Variants in NELL1 observed in about 807,000 individuals in gnomAD.
NELL1 encodes the protein neural EGFL like 1, also known as protein kinase C-binding protein NELL1.
Under a neutral mutation model 107.4 loss-of-function variants are expected in NELL1, and 76 were observed. The ratio of observed to expected loss-of-function variants is 0.71; its 90% confidence interval spans 0.59 to 0.86. NELL1 has a LOEUF of 0.86. Among genes scored for constraint, NELL1 ranks in the 40% least tolerant of loss-of-function variants. NELL1 has a pLI of 0.00. For synonymous variants in NELL1, 353 were observed against 341.2 expected (o/e 1.03, Z -0.38); for missense variants, 1,024 against 1,005.5 (o/e 1.02, Z -0.25).
rs182699826 is a variant in NELL1, at chr11:20,682,516, A to T, written c.184+4456A>T. Among the ~76,000 whole-genome samples, 733 of 152,172 alleles carry T rather than the reference A, an allele frequency of 4.8e-3. 4 individuals carry two copies. The highest frequency in any genetic ancestry group is 0.012 in the Admixed American group (180 of 15,254). ...TGTTGATTTCATAAAATTTAAAGTT[A>T]AAAACGTAGATTCATCAAATTATTC... On this transcript the variant is annotated intron_variant, in intron 2 of 19. Transcript: ENST00000357134.
intron 12 of NELL1, among the ~76,000 whole-genome samples, chr11:20,998,580 G>A (rs1852144017): frequency 6.6e-6 from 1 of 152,018 alleles, no homozygotes; most frequent in African/African-American, 2.4e-5. Context: ...ATCTCTCCTA[G>A]GTGTGTAAGC....
At chr11:20,918,762 C>G (rs1044474141) in intron 6 of NELL1, among the ~76,000 whole-genome samples, 1 of 151,910 alleles carries the variant, frequency 6.6e-6, no homozygotes, top group African/African-American at 2.4e-5. Context: ...ATGGGAGCTA[C>G]AATTCAAGAT....
chr11:21,293,961 A>T (rs546417958), intron 14 of NELL1, among the ~76,000 whole-genome samples: 9 of 152,268 alleles, frequency 5.9e-5, no homozygotes, highest in East Asian at 1.9e-4. Flanking sequence ...GGATAGCAAT[A>T]GGAGAAATAA....
chr11:21,029,413 T>A (rs533199495), intron 12 of NELL1, among the ~76,000 whole-genome samples: 1 of 152,280 alleles, frequency 6.6e-6, no homozygotes, highest in African/African-American at 2.4e-5. Context: ...CATAGGTTTA[T>A]GTTTGCTGAG....
At chr11:21,101,288 G>A (rs572675863) in intron 12 of NELL1, among the ~76,000 whole-genome samples, 29 of 152,200 alleles carry the variant, frequency 1.9e-4, no homozygotes, top group Admixed American at 7.2e-4. Context: ...GAATAGTACC[G>A]CAATAAACAT....
intron 14 of NELL1, among the ~76,000 whole-genome samples, chr11:21,233,255 T>G (rs2133888899): frequency 6.6e-6 from 1 of 152,318 alleles, no homozygotes; most frequent in African/African-American, 2.4e-5. Flanking sequence ...ATATATATGT[T>G]ATCTCATTTA....
chr11:21,275,227 G>A (rs1249073751), intron 14 of NELL1, among the ~76,000 whole-genome samples: 15 of 152,186 alleles, frequency 9.9e-5, no homozygotes, highest in Non-Finnish European at 1.8e-4. Flanking sequence ...TATCACCACC[G>A]AACCCACAGA....
chr11:21,389,784 TA>T (rs1197240509), intron 15 of NELL1, among the ~76,000 whole-genome samples: 1 of 151,882 alleles, frequency 6.6e-6, no homozygotes, highest in African/African-American at 2.4e-5. Context: ...AATAGTATTT[TA>T]TTTTGTGGAT....
chr11:21,176,648 A>G (rs1856718928), intron 13 of NELL1, among the ~76,000 whole-genome samples: 1 of 151,876 alleles, frequency 6.6e-6, no homozygotes, highest in Admixed American at 6.6e-5. Flanking sequence ...TCTTTACACA[A>G]GAGAAGGAGG....
intron 2 of NELL1, among the ~76,000 whole-genome samples, chr11:20,727,420 C>T (rs1855533162): frequency 6.6e-6 from 1 of 152,150 alleles, no homozygotes; most frequent in African/African-American, 2.4e-5. Flanking sequence ...TGTTCATATA[C>T]TTTGCCCACT....
At chr11:20,803,873 GA>G (rs1407760702) in intron 3 of NELL1, among the ~76,000 whole-genome samples, 1 of 152,064 alleles carries the variant, frequency 6.6e-6, no homozygotes, top group East Asian at 1.9e-4. Flanking sequence ...TGAGCAGGCA[GA>G]AAAATGTGAA....
chr11:21,334,014 C>T (rs1389390141), intron 14 of NELL1, among the ~76,000 whole-genome samples: 3 of 152,034 alleles, frequency 2.0e-5, no homozygotes, highest in Non-Finnish European at 4.4e-5. Context: ...GAAATTTCTG[C>T]ATGTGCATTG....
intron 15 of NELL1, among the ~76,000 whole-genome samples, chr11:21,518,477 A>G (rs1301042964): frequency 1.3e-5 from 2 of 152,220 alleles, no homozygotes; most frequent in African/African-American, 4.8e-5. Flanking sequence ...CAAAGTAAAA[A>G]ATGTGGACCT....
chr11:21,355,879 G>T (rs1850920851), intron 14 of NELL1, among the ~76,000 whole-genome samples: 1 of 152,096 alleles, frequency 6.6e-6, no homozygotes, highest in African/African-American at 2.4e-5. Flanking sequence ...GTATTGCTTG[G>T]ATCTCTAAGT....
rs1449172500 is a variant in NELL1, at chr11:21,575,121, T to C, written c.*99T>C. 3 of 1,121,268 alleles carry C rather than the reference T, an allele frequency of 2.7e-6. No homozygotes were observed. The highest frequency in any genetic ancestry group is 1.5e-5 in the African/African-American group (1 of 64,580). The allele number at this position is 1,121,268 out of a possible 1,614,324, so 69.5% of individuals were successfully genotyped here. On this transcript the variant is annotated 3_prime_UTR_variant, in exon 20 of 20. Coordinates refer to ENST00000357134, the MANE Select transcript of NELL1 (RefSeq NM_006157.5). Reference sequence around the variant, plus strand: ...AGTTTGGTTTTTTTGTTTGTTTTGTTTTTTTAACCACAGATAATTGCCAAA... The same window carrying C: ...AGTTTGGTTTTTTTGTTTGTTTTGTCTTTTTAACCACAGATAATTGCCAAA...
intron 5 of NELL1, among the ~76,000 whole-genome samples, chr11:20,902,360 A>G (rs888819601): frequency 6.6e-6 from 1 of 152,146 alleles, no homozygotes; most frequent in Non-Finnish European, 1.5e-5. Context: ...ACCAGTGAAC[A>G]TATTGAAAGT....
intron 13 of NELL1, among the ~76,000 whole-genome samples, chr11:21,156,938 C>CAAA (rs374536207): frequency 1.4e-5 from 2 of 139,612 alleles, no homozygotes; most frequent in Admixed American, 7.1e-5. Flanking sequence ...ACTAAAAATA[C>CAAA]AAAAAAAAAA....
intron 5 of NELL1, among the ~76,000 whole-genome samples, chr11:20,896,539 A>G (rs953507416): frequency 1.3e-5 from 2 of 152,192 alleles, no homozygotes; most frequent in East Asian, 3.8e-4. Context: ...GGTTCTTTAA[A>G]GAATCTCCAT....
At chr11:21,470,619 G>A (rs1243862596) in intron 15 of NELL1, among the ~76,000 whole-genome samples, 2 of 152,078 alleles carry the variant, frequency 1.3e-5, no homozygotes, top group Non-Finnish European at 2.9e-5. Flanking sequence ...TGCAACCAGA[G>A]CTTACCACAT....
Sources: allele counts gnomAD v4.1 joint callset (sites outside exome capture counted in the v4.1 genomes callset), GRCh38; gene constraint gnomAD v4.1.1; transcripts MANE v1.5; gene names NCBI Gene and HGNC (gene_info 2026-07-23, HGNC 2026-07-21).